NELL1: variants seen among roughly 807,000 people sequenced by gnomAD.
NELL1 encodes the protein protein kinase C-binding protein NELL1.
In NELL1, 76 loss-of-function variants were observed where a neutral mutation model predicts 107.4. The observed-to-expected ratio is 0.71, with a 90% CI of 0.59 to 0.86. The LOEUF is 0.86. Among genes scored for constraint, NELL1 ranks in the 40% least tolerant of loss-of-function variants. The pLI is 0.00. For synonymous variants in NELL1, 353 were observed against 341.2 expected (o/e 1.03, Z -0.38); for missense variants, 1,024 against 1,005.5 (o/e 1.02, Z -0.25).
chr11:21,083,662 C>A (rs1477445495), intron 12 of NELL1, among the ~76,000 whole-genome samples: 1 of 152,046 alleles, frequency 6.6e-6, no homozygotes, highest in Non-Finnish European at 1.5e-5. Context: ...TAGATCTGGG[C>A]TGTATCTTAG....
rs78279820 is a variant in NELL1, at chr11:21,105,489, C to T, written c.1301-8100C>T. Among the ~76,000 whole-genome samples, 1,088 of 152,214 alleles carry T rather than the reference C, an allele frequency of 7.1e-3. 11 individuals carry two copies. The highest frequency in any genetic ancestry group is 0.024 in the African/African-American group (1,010 of 41,542). ...CTGGCCATTGCCATGTTGCCTGCTC[C>T]CTACTGTGAATGTGGTTGACAAAGA... On this transcript the variant is annotated intron_variant, in intron 12 of 19. Transcript: ENST00000357134.
At chr11:20,887,379 T>C (rs1339157884) in intron 5 of NELL1, among the ~76,000 whole-genome samples, 1 of 152,162 alleles carries the variant, frequency 6.6e-6, no homozygotes, top group Non-Finnish European at 1.5e-5. Flanking sequence ...CTTACTGGGT[T>C]GTATATTAAG....
intron 14 of NELL1, among the ~76,000 whole-genome samples, chr11:21,330,290 A>C (rs1590842826): frequency 6.6e-6 from 1 of 152,260 alleles, no homozygotes; most frequent in South Asian, 2.1e-4. Flanking sequence ...ACTGTCTTTA[A>C]AAATTGCTTA....
chr11:20,726,078 G>A (rs1346535549), intron 2 of NELL1, among the ~76,000 whole-genome samples: 2 of 151,976 alleles, frequency 1.3e-5, no homozygotes, highest in African/African-American at 4.8e-5. Context: ...ACATGATTTC[G>A]GTCTTTTTTA....
intron 3 of NELL1, among the ~76,000 whole-genome samples, chr11:20,842,636 T>G (rs1047438477): frequency 6.6e-6 from 1 of 152,206 alleles, no homozygotes; most frequent in South Asian, 2.1e-4. Flanking sequence ...CTGAATCTGT[T>G]CTTATCTACC....
intron 14 of NELL1, among the ~76,000 whole-genome samples, chr11:21,329,459 A>T (rs1404070808): frequency 6.6e-6 from 1 of 152,170 alleles, no homozygotes; most frequent in Non-Finnish European, 1.5e-5. Flanking sequence ...CTTTATTAGC[A>T]GTGTGAGAAT....
At position 21,530,661 on chromosome 11, in the gene NELL1, C is replaced by G. The variant is rs564898025; in HGVS notation, c.1646-3713C>G. On this transcript the variant is annotated intron_variant, in intron 15 of 19. Transcript: ENST00000357134. ...TATAACTTTTTTGTTACCTATTTTGCCCACTTAAAATATCTAAAGATTAGA... is the reference window on the plus strand; with the variant it reads ...TATAACTTTTTTGTTACCTATTTTGGCCACTTAAAATATCTAAAGATTAGA... Among the ~76,000 whole-genome samples the G allele has an allele frequency of 1.8e-4, 27 of 151,934 alleles. 1 individual carries two copies. In the South Asian group the frequency reaches 5.6e-3, roughly 32 times the overall value.
At chr11:21,429,162 T>C (rs1852907967) in intron 15 of NELL1, among the ~76,000 whole-genome samples, 1 of 152,222 alleles carries the variant, frequency 6.6e-6, no homozygotes, top group Non-Finnish European at 1.5e-5. Flanking sequence ...AATTTATTCA[T>C]GTAAAAAATG....
intron 9 of NELL1, among the ~76,000 whole-genome samples, chr11:20,929,738 G>T (rs781768425): frequency 6.6e-6 from 1 of 152,080 alleles, no homozygotes; most frequent in African/African-American, 2.4e-5. Flanking sequence ...TTGGGAGGCC[G>T]AGGCCGTCGG....
intron 3 of NELL1, among the ~76,000 whole-genome samples, chr11:20,830,032 G>A (rs1039597181): frequency 6.6e-6 from 1 of 152,086 alleles, no homozygotes; most frequent in Non-Finnish European, 1.5e-5. Context: ...CCCCCACCTT[G>A]GGAGGCTGAG....
chr11:21,283,867 A>G (rs1849050837), intron 14 of NELL1: 1 of 224,636 alleles, frequency 4.5e-6, no homozygotes, highest in Admixed American at 5.2e-5. Flanking sequence ...GGGATATTTT[A>G]CTTGGCTGTG....
chr11:20,960,699 G>C, intron 12 of NELL1, 139 bp downstream of exon 12: 1 of 981,038 alleles, frequency 1.0e-6, no homozygotes, highest in South Asian at 1.7e-5. Context: ...AATTGCTGAG[G>C]GTTCTCTGTT....
chr11:21,216,325 G>A (rs1323040755), intron 13 of NELL1, among the ~76,000 whole-genome samples: 2 of 152,216 alleles, frequency 1.3e-5, no homozygotes, highest in South Asian at 2.1e-4. Context: ...AGTGCAGAAG[G>A]GAAATGTGGG....
intron 4 of NELL1, among the ~76,000 whole-genome samples, chr11:20,859,050 C>T (rs758720691): frequency 4.6e-5 from 7 of 152,302 alleles, no homozygotes; most frequent in African/African-American, 7.2e-5. Context: ...GTGCCTGCTT[C>T]GTCATTTCGG....
At chr11:20,871,700 CT>C (rs954676908) in intron 4 of NELL1, among the ~76,000 whole-genome samples, 10 of 151,960 alleles carry the variant, frequency 6.6e-5, no homozygotes, top group African/African-American at 2.4e-4. Flanking sequence ...CTCCCTATGC[CT>C]CTTACTTTGC....
chr11:21,406,798 A>G (rs1234223361), intron 15 of NELL1, among the ~76,000 whole-genome samples: 2 of 152,020 alleles, frequency 1.3e-5, no homozygotes, highest in Non-Finnish European at 2.9e-5. Context: ...GGTATCCCTC[A>G]CCTCAAATAT....
chr11:21,104,198 T>G (rs1045272113), intron 12 of NELL1, among the ~76,000 whole-genome samples: 1 of 152,156 alleles, frequency 6.6e-6, no homozygotes, highest in Non-Finnish European at 1.5e-5. Flanking sequence ...CCTGACAGAT[T>G]GAGGTAGGCT....
intron 3 of NELL1, among the ~76,000 whole-genome samples, chr11:20,847,064 T>C (rs1184297509): frequency 2.6e-5 from 4 of 152,240 alleles, no homozygotes; most frequent in African/African-American, 7.2e-5. Flanking sequence ...CCCCTACTCA[T>C]TATCTAGGAA....
At chr11:21,298,288 T>C (rs1176421357) in intron 14 of NELL1, among the ~76,000 whole-genome samples, 1 of 152,052 alleles carries the variant, frequency 6.6e-6, no homozygotes, top group African/African-American at 2.4e-5. Context: ...GCAAACCTTT[T>C]CTATTCTTTG....
Sources: allele counts gnomAD v4.1 joint callset (sites outside exome capture counted in the v4.1 genomes callset), GRCh38; gene constraint gnomAD v4.1.1; transcripts MANE v1.5; gene names NCBI Gene and HGNC (gene_info 2026-07-23, HGNC 2026-07-21).